Variants in PRKCH observed in about 807,000 individuals in gnomAD.
The protein encoded by PRKCH is protein kinase C eta, also known as protein kinase C eta type.
Under a neutral mutation model 82.5 loss-of-function variants are expected in PRKCH, and 28 were observed. The observed-to-expected ratio is 0.34, with a 90% CI of 0.25 to 0.47. The LOEUF (loss-of-function observed/expected upper bound fraction) is 0.47. PRKCH is among the 20% of genes least tolerant of loss of function. PRKCH has a pLI of 1.00. For missense variants in PRKCH, 705 were observed against 881.8 expected, an observed-to-expected ratio of 0.80 and a Z score of 2.54; for synonymous variants, 322 against 327.4, an observed-to-expected ratio of 0.98 and a Z score of 0.18.
chr14:61,312,779 T>C (rs2045535046), intron 1 of PRKCH, among the ~76,000 whole-genome samples: 1 of 151,892 alleles, frequency 6.6e-6, no homozygotes, highest in Admixed American at 6.6e-5. Flanking sequence ...TTCGATTACC[T>C]CCCACTGGCT....
At chr14:61,290,328 C>T (rs961356846) in intron 1 of PRKCH, among the ~76,000 whole-genome samples, 2 of 152,018 alleles carry the variant, frequency 1.3e-5, no homozygotes, top group African/African-American at 4.8e-5. Flanking sequence ...ATAATGTTCT[C>T]CTTGGGATTC....
At chr14:61,296,766 T>TA (rs2045409540) in intron 1 of PRKCH, among the ~76,000 whole-genome samples, 2 of 152,244 alleles carry the variant, frequency 1.3e-5, no homozygotes, top group Non-Finnish European at 2.9e-5. Context: ...AATGATTTTG[T>TA]TTCTGTGGGA....
chr14:61,234,491 C>CT (rs1208631891), intron 1 of PRKCH, among the ~76,000 whole-genome samples: 1 of 152,186 alleles, frequency 6.6e-6, no homozygotes, highest in Non-Finnish European at 1.5e-5. Flanking sequence ...ATCCTTTAGT[C>CT]TTACTCATGT....
Position 61,203,800 on chromosome 14 carries a change from C to T in PRKCH, c.-19+16132C>T, listed in dbSNP as rs57209308. On this transcript the variant is annotated intron_variant, in intron 1 of 3. Transcript: ENST00000555185. Reference sequence around the variant, plus strand: ...AGGCTGCAGTAAACCATGTTCACACCACTGCACTCCAGCCTGGGAGACAAA... The same window carrying T: ...AGGCTGCAGTAAACCATGTTCACACTACTGCACTCCAGCCTGGGAGACAAA... Among the ~76,000 whole-genome samples, 711 of 152,092 alleles carry T rather than the reference C, an allele frequency of 4.7e-3. 15 individuals carry two copies. In the East Asian group the frequency reaches 0.061, roughly 13 times the overall value.
chr14:61,412,587 C>G (rs768339251), intron 2 of PRKCH, among the ~76,000 whole-genome samples: 16 of 152,294 alleles, frequency 1.1e-4, no homozygotes, highest in Non-Finnish European at 2.2e-4. Flanking sequence ...TCCTTCATGC[C>G]TGCTGTGCCA....
At chr14:61,262,219 T>TAAATAAAAAAAAAAAAAAAAA (rs1356058235) in intron 1 of PRKCH, among the ~76,000 whole-genome samples, 1 of 106,614 alleles carries the variant, frequency 9.4e-6, no homozygotes, top group African/African-American at 4.1e-5. Flanking sequence ...AGACTCTGTA[T>TAAATAAAAAAAAAAAAAAAAA]AAAAAAAAAA....
chr14:61,534,129 A>G (rs2043077546), intron 12 of PRKCH, among the ~76,000 whole-genome samples: 1 of 152,202 alleles, frequency 6.6e-6, no homozygotes, highest in African/African-American at 2.4e-5. Flanking sequence ...TGAGGATGTA[A>G]AATGGTGTGG....
At chr14:61,452,444 A>G (rs1056951840) in intron 6 of PRKCH, among the ~76,000 whole-genome samples, 8 of 152,134 alleles carry the variant, frequency 5.3e-5, no homozygotes, top group Admixed American at 1.3e-4. Context: ...TTCACCTCCC[A>G]TCAGCAGGGC....
intron 2 of PRKCH, among the ~76,000 whole-genome samples, chr14:61,412,635 T>A (rs1189490972): frequency 1.3e-5 from 2 of 152,210 alleles, no homozygotes; most frequent in Non-Finnish European, 2.9e-5. Flanking sequence ...GATGATTGGA[T>A]GTTGCTGGCT....
chr14:61,529,026 G>C, intron 10 of PRKCH, 49 bp from the exon 11 acceptor site: 1 of 1,364,788 alleles, frequency 7.3e-7, no homozygotes, highest in South Asian at 1.3e-5. Flanking sequence ...AGAGGTGGAT[G>C]GTTTGGGGTC....
At chr14:61,483,061 C>T (rs368249386) in intron 9 of PRKCH, among the ~76,000 whole-genome samples, 4 of 152,214 alleles carry the variant, frequency 2.6e-5, no homozygotes, top group Admixed American at 6.5e-5. Flanking sequence ...GGCTGGTTAA[C>T]GAAAACATGT....
At chr14:61,531,223 G>A (rs1784626085) in intron 12 of PRKCH, among the ~76,000 whole-genome samples, 1 of 152,172 alleles carries the variant, frequency 6.6e-6, no homozygotes, top group African/African-American at 2.4e-5. Flanking sequence ...AACATGTACT[G>A]GACGCCTTTA....
chr14:61,523,640 C>T (rs1293197076), intron 10 of PRKCH, among the ~76,000 whole-genome samples: 2 of 152,182 alleles, frequency 1.3e-5, no homozygotes, highest in African/African-American at 2.4e-5. Flanking sequence ...CCACTGAAGA[C>T]ACTGTTATTC....
chr14:61,532,525 C>A (rs921989174), intron 12 of PRKCH, among the ~76,000 whole-genome samples: 2 of 152,210 alleles, frequency 1.3e-5, no homozygotes, highest in Non-Finnish European at 2.9e-5. Flanking sequence ...ACCTCATTCT[C>A]GTGTTTCAGA....
intron 1 of PRKCH, chr14:61,281,740 A>T (rs1267291683): frequency 6.0e-6 from 1 of 166,120 alleles, no homozygotes; most frequent in African/African-American, 2.4e-5. Context: ...AGGTGGCTCT[A>T]GACCATTTTG....
At chr14:61,250,578 A>G (rs565507296) in intron 1 of PRKCH, among the ~76,000 whole-genome samples, 20 of 152,280 alleles carry the variant, frequency 1.3e-4, no homozygotes, top group African/African-American at 4.1e-4. Context: ...GTGGTTGCCA[A>G]AGGTTAGGGG....
At chr14:61,197,821 A>C (rs8004143) in intron 1 of PRKCH, among the ~76,000 whole-genome samples, 9,753 of 152,194 alleles carry the variant, frequency 0.064, 1,063 homozygotes, top group African/African-American at 0.22. Flanking sequence ...CGGAAACAAA[A>C]GACAGTGCCT....
At chr14:61,426,907 A>G (rs1883135483) in intron 2 of PRKCH, among the ~76,000 whole-genome samples, 1 of 152,222 alleles carries the variant, frequency 6.6e-6, no homozygotes, top group Non-Finnish European at 1.5e-5. Flanking sequence ...TAATGGGGAA[A>G]TACGTGCACT....
chr14:61,506,408 G>A (rs532630560), intron 10 of PRKCH, among the ~76,000 whole-genome samples: 3 of 152,210 alleles, frequency 2.0e-5, no homozygotes, highest in Admixed American at 6.5e-5. Flanking sequence ...AGTCAGGGGG[G>A]TGGGTAAGTG....
Sources: gnomAD v4.1 joint callset for allele counts (sites outside exome capture counted in the v4.1 genomes callset) on GRCh38, gnomAD v4.1.1 for gene constraint, MANE v1.5 for transcripts, NCBI Gene and HGNC (gene_info 2026-07-23, HGNC 2026-07-21) for gene names.